The following ROBO1 variants were observed in gnomAD, a reference collection of about 807,000 sequenced individuals.
The protein encoded by ROBO1 is roundabout homolog 1.
ROBO1 carries 149 observed loss-of-function variants against 195.9 expected under a neutral mutation model. The observed-to-expected ratio is 0.76, with a 90% CI of 0.67 to 0.87. The LOEUF is 0.87. ROBO1 is among the 40% of genes least tolerant of loss of function. The pLI, the probability that ROBO1 is intolerant of heterozygous loss-of-function variation, is 0.00. For missense variants in ROBO1, 1,933 were observed against 2,068.3 expected, an observed-to-expected ratio of 0.93 and a Z score of 1.27; for synonymous variants, 816 against 733.2, an observed-to-expected ratio of 1.11 and a Z score of -1.82.
chr3:79,465,702 C>CT (rs577911373), intron 2 of ROBO1, among the ~76,000 whole-genome samples: 180 of 151,972 alleles, frequency 1.2e-3, no homozygotes, highest in Non-Finnish European at 2.1e-3. Context: ...TGTGGAGGGT[C>CT]TTTTTTTAAA....
At chr3:79,715,138 G>A (rs1702433472) in intron 1 of ROBO1, among the ~76,000 whole-genome samples, 1 of 151,980 alleles carries the variant, frequency 6.6e-6, no homozygotes, top group Non-Finnish European at 1.5e-5. Context: ...TGTACTCCTG[G>A]TGAAGATGCT....
intron 4 of ROBO1, among the ~76,000 whole-genome samples, chr3:78,874,503 G>A (rs914316591): frequency 2.6e-5 from 4 of 151,668 alleles, no homozygotes; most frequent in African/African-American, 9.7e-5. Context: ...ATATATTATA[G>A]TTACAATATG....
intron 1 of ROBO1, among the ~76,000 whole-genome samples, chr3:79,619,569 G>A (rs955632240): frequency 6.6e-6 from 1 of 151,996 alleles, no homozygotes; most frequent in Admixed American, 6.6e-5. Context: ...TTACAGTTTT[G>A]TTCCACGACT....
At chr3:79,045,119 G>A (rs2078566164) in intron 3 of ROBO1, among the ~76,000 whole-genome samples, 1 of 151,418 alleles carries the variant, frequency 6.6e-6, no homozygotes, top group Non-Finnish European at 1.5e-5. Flanking sequence ...ATGAAAGAAT[G>A]ATGCCAAAAT....
intron 2 of ROBO1, among the ~76,000 whole-genome samples, chr3:79,286,337 C>G (rs2109015697): frequency 6.6e-6 from 1 of 152,262 alleles, no homozygotes; most frequent in East Asian, 1.9e-4. Context: ...GTTCAAGAAG[C>G]ATATTTGTCC....
At chr3:79,063,320 A>T (rs2078952386) in intron 3 of ROBO1, among the ~76,000 whole-genome samples, 1 of 151,900 alleles carries the variant, frequency 6.6e-6, no homozygotes, top group Non-Finnish European at 1.5e-5. Context: ...CTTTCTCATT[A>T]CTTCTTTAAA....
chr3:79,104,584 C>T (rs2079741267), intron 3 of ROBO1, among the ~76,000 whole-genome samples: 1 of 151,602 alleles, frequency 6.6e-6, no homozygotes, highest in African/African-American at 2.4e-5. Flanking sequence ...ATTTAAGATG[C>T]ATGAGTCACT....
intron 1 of ROBO1, among the ~76,000 whole-genome samples, chr3:79,666,540 G>A (rs1255642654): frequency 2.0e-5 from 3 of 151,882 alleles, no homozygotes; most frequent in Non-Finnish European, 4.4e-5. Context: ...CGTGGGGGCA[G>A]TTCCCCTCAT....
chr3:78,709,722 T>C (rs1405583250), intron 8 of ROBO1, among the ~76,000 whole-genome samples: 2 of 152,118 alleles, frequency 1.3e-5, no homozygotes, highest in Non-Finnish European at 2.9e-5. Context: ...TTTGAGGATA[T>C]TTGCTCATGG....
rs1230059658 is a variant in ROBO1 at position 79,636,414 on chromosome 3, G to GT, written c.-50-46454dup. The stretch of plus-strand genomic sequence containing the variant: ...TGACATCATTTTTAACAAGGCACTT[G>GT]TTAGCATGCTTCTCAAAGTTCTAGA... On this transcript the variant is annotated intron_variant, in intron 1 of 30. Transcript: ENST00000464233. Among the ~76,000 whole-genome samples, 5 of 152,250 alleles carry GT rather than the reference G, an allele frequency of 3.3e-5. No homozygotes were observed. In the East Asian group the frequency reaches 9.7e-4, roughly 29 times the overall value.
chr3:78,859,244 G>C (rs2034641114), intron 4 of ROBO1, among the ~76,000 whole-genome samples: 1 of 152,154 alleles, frequency 6.6e-6, no homozygotes, highest in Non-Finnish European at 1.5e-5. Context: ...ACAGTTTGAA[G>C]CTTAGGTTTT....
chr3:79,029,280 A>G (rs1032281955), intron 3 of ROBO1, among the ~76,000 whole-genome samples: 2 of 152,108 alleles, frequency 1.3e-5, no homozygotes, highest in Admixed American at 1.3e-4. Flanking sequence ...AAAATGAACC[A>G]TAAAATTAAA....
At chr3:79,340,748 G>C (rs2034875319) in intron 2 of ROBO1, among the ~76,000 whole-genome samples, 1 of 152,132 alleles carries the variant, frequency 6.6e-6, no homozygotes, top group African/African-American at 2.4e-5. Context: ...AACAAAACCA[G>C]ATATAACCAA....
At chr3:78,862,906 T>C (rs1347072084) in intron 4 of ROBO1, among the ~76,000 whole-genome samples, 6 of 152,146 alleles carry the variant, frequency 3.9e-5, no homozygotes, top group African/African-American at 1.2e-4. Context: ...TCTACTCCAA[T>C]TAGTTGAGAA....
intron 1 of ROBO1, among the ~76,000 whole-genome samples, chr3:79,609,389 G>A (rs1476398557): frequency 2.0e-5 from 3 of 151,966 alleles, no homozygotes; most frequent in Middle Eastern, 3.4e-3. Context: ...TGAAACATCC[G>A]TGCACTGCTG....
chr3:79,593,887 G>A (rs951118065), intron 1 of ROBO1, among the ~76,000 whole-genome samples: 2 of 151,968 alleles, frequency 1.3e-5, no homozygotes, highest in African/African-American at 4.8e-5. Flanking sequence ...AAACTGCTGG[G>A]ATTACAGGTA....
At chr3:78,614,837 A>G in intron 27 of ROBO1, 37 bp from the exon 28 acceptor site, 1 of 1,529,206 alleles carries the variant, frequency 6.5e-7, no homozygotes, top group Non-Finnish European at 8.8e-7. Context: ...AGCCAAACTC[A>G]TCAGTGAATT....
chr3:79,748,015 C>T (rs1232816609), intron 1 of ROBO1, among the ~76,000 whole-genome samples: 1 of 151,780 alleles, frequency 6.6e-6, no homozygotes, highest in Non-Finnish European at 1.5e-5. Flanking sequence ...TCTATTTGCT[C>T]ATAAAAATGC....
intron 1 of ROBO1, among the ~76,000 whole-genome samples, chr3:79,660,644 A>G (rs919229540): frequency 1.3e-5 from 2 of 152,108 alleles, no homozygotes; most frequent in African/African-American, 4.8e-5. Flanking sequence ...AAAAATCTCT[A>G]TTCTTACAGG....
Sources: allele counts gnomAD v4.1 joint callset (sites outside exome capture counted in the v4.1 genomes callset), GRCh38; gene constraint gnomAD v4.1.1; transcripts MANE v1.5; gene names NCBI Gene and HGNC (gene_info 2026-07-23, HGNC 2026-07-21).